The following TMEM132C variants were observed in gnomAD, a reference collection of about 807,000 sequenced individuals.
The protein encoded by TMEM132C is protein phosphatase 1, regulatory subunit 152.
In TMEM132C, 29 loss-of-function variants were observed where a neutral mutation model predicts 61.4. That is an observed-to-expected ratio of 0.47 (90% CI 0.35 to 0.64). The LOEUF is 0.64. Ranked by LOEUF, TMEM132C falls within the 30% of genes least tolerant of loss-of-function variation. The pLI is 0.00. For missense variants in TMEM132C, 1,408 were observed against 1,476.9 expected, an observed-to-expected ratio of 0.95 and a Z score of 0.76; for synonymous variants, 656 against 633.1, an observed-to-expected ratio of 1.04 and a Z score of -0.54.
chr12:128,484,162 G>A (rs1871408765), intron 2 of TMEM132C, among the ~76,000 whole-genome samples: 1 of 152,230 alleles, frequency 6.6e-6, no homozygotes. Context: ...GCACGAGGAT[G>A]AAGCTATCAC....
intron 3 of TMEM132C, among the ~76,000 whole-genome samples, chr12:128,596,046 A>G (rs1026760615): frequency 6.6e-6 from 1 of 152,064 alleles, no homozygotes; most frequent in East Asian, 1.9e-4. Flanking sequence ...TGTTCTGTCC[A>G]TCACACTGGG....
intron 1 of TMEM132C, among the ~76,000 whole-genome samples, chr12:128,346,828 A>G (rs1287427286): frequency 1.3e-5 from 2 of 152,192 alleles, no homozygotes; most frequent in Non-Finnish European, 2.9e-5. Context: ...TGGACTCTGA[A>G]TTCTATTCTA....
intron 2 of TMEM132C, among the ~76,000 whole-genome samples, chr12:128,426,045 A>T (rs1869171387): frequency 6.6e-6 from 1 of 152,238 alleles, no homozygotes; most frequent in African/African-American, 2.4e-5. Flanking sequence ...CCTGCCACTC[A>T]GTCTTTCCCT....
At chr12:128,586,616 A>G (rs1401670933) in intron 3 of TMEM132C, among the ~76,000 whole-genome samples, 1 of 152,226 alleles carries the variant, frequency 6.6e-6, no homozygotes, top group Non-Finnish European at 1.5e-5. Context: ...TTTCCTCTGT[A>G]TCTTCCTTGT....
chr12:128,415,216 C>T lies in TMEM132C; in HGVS notation c.570C>T (p.Asp190=). The T allele has an allele frequency of 6.2e-7, 1 of 1,610,200 alleles. No individual in the cohort carries two copies. Among genetic ancestry groups the T allele is most frequent in the Non-Finnish European group, 8.5e-7 (1 of 1,178,320 alleles). ...GGGGCAGCTGCCGGCTGAAGGGGGA[C>T]CTGGGGCTGTGTGTGGCTGAGCTGG... ...EVRGSCRLKG[D]LGLCVAELEL... Residue 190 remains aspartate, a synonymous_variant, in exon 2 of 9, where the codon GAC becomes GAT. Transcript: ENST00000435159. This position sits in a 1 kb window ranked among gnomAD's most constrained non-coding sequence, Gnocchi z 5.8.
rs769358310 is a variant in TMEM132C, at chr12:128,705,647, C to G, written c.2679C>G (p.Thr893=). Residue 893 remains threonine (T), a synonymous_variant, in exon 9 of 9, where the codon ACC becomes ACG. Coordinates refer to ENST00000435159, the MANE Select transcript of TMEM132C (RefSeq NM_001136103.3). Reference sequence around the variant, plus strand: ...TGCAGAACATCCCCATTGACTTCACCAACTTCCCTGCCCACGTGGACCTCC... The same window carrying G: ...TGCAGAACATCCCCATTGACTTCACGAACTTCCCTGCCCACGTGGACCTCC... ...GQLQNIPIDF[T]NFPAHVDLPK... 2 of 1,551,134 alleles carry G rather than the reference C, an allele frequency of 1.3e-6. No individual in the cohort carries two copies. The highest frequency in any genetic ancestry group is 2.4e-5 in the South Asian group (2 of 84,066).
intron 1 of TMEM132C, among the ~76,000 whole-genome samples, chr12:128,328,156 C>T (rs900312733): frequency 7.2e-5 from 11 of 151,962 alleles, no homozygotes; most frequent in South Asian, 2.1e-4. Flanking sequence ...AGTGAGAAAG[C>T]GGGTGATTGG....
intron 2 of TMEM132C, among the ~76,000 whole-genome samples, chr12:128,489,613 G>A (rs1871640792): frequency 6.9e-6 from 1 of 145,234 alleles, no homozygotes; most frequent in Non-Finnish European, 1.5e-5. Flanking sequence ...GAAAGTGATT[G>A]TTTAAATCTT....
At chr12:128,587,470 ACCT>A (rs1226463544) in intron 3 of TMEM132C, among the ~76,000 whole-genome samples, 5 of 151,734 alleles carry the variant, frequency 3.3e-5, no homozygotes, top group Non-Finnish European at 7.4e-5. Context: ...CTAAAACCTC[ACCT>A]CCTCACACAA....
At chr12:128,563,448 T>A (rs538746106) in intron 3 of TMEM132C, among the ~76,000 whole-genome samples, 6 of 152,316 alleles carry the variant, frequency 3.9e-5, no homozygotes, top group African/African-American at 1.4e-4. Flanking sequence ...CACAGAGGGC[T>A]GCTCGGCAGA....
At chr12:128,269,015 C>G (rs557641389) in intron 1 of TMEM132C, among the ~76,000 whole-genome samples, 6 of 151,010 alleles carry the variant, frequency 4.0e-5, no homozygotes, top group African/African-American at 1.2e-4. Context: ...GGGCACTTTT[C>G]TATTTTATTT....
At chr12:128,653,272 G>C (rs61301584) in intron 4 of TMEM132C, among the ~76,000 whole-genome samples, 2 of 152,154 alleles carry the variant, frequency 1.3e-5, no homozygotes, top group Admixed American at 6.5e-5. Context: ...TGGGAGGAGG[G>C]GGGGATGGGA....
intron 3 of TMEM132C, among the ~76,000 whole-genome samples, chr12:128,569,895 T>TA (rs1396231246): frequency 6.6e-6 from 1 of 152,160 alleles, no homozygotes. Context: ...AAGAAGAAAT[T>TA]AAATAAAATA....
chr12:128,524,135 T>C (rs1873007001), intron 2 of TMEM132C, among the ~76,000 whole-genome samples: 1 of 152,164 alleles, frequency 6.6e-6, no homozygotes, highest in Non-Finnish European at 1.5e-5. Context: ...CAACATAGAC[T>C]GGGTTCCTTG....
chr12:128,355,728 G>A (rs1396278168), intron 1 of TMEM132C, among the ~76,000 whole-genome samples: 1 of 151,534 alleles, frequency 6.6e-6, no homozygotes, highest in Non-Finnish European at 1.5e-5. Context: ...TCCCTTAGAC[G>A]CTCAGGCAAG....
At chr12:128,549,825 A>T (rs1874099331) in intron 3 of TMEM132C, among the ~76,000 whole-genome samples, 2 of 152,136 alleles carry the variant, frequency 1.3e-5, no homozygotes, top group South Asian at 4.1e-4. Flanking sequence ...CATTCGAGGT[A>T]GACACAGTGA....
intron 2 of TMEM132C, among the ~76,000 whole-genome samples, chr12:128,480,458 G>A (rs896800179): frequency 6.6e-6 from 1 of 152,180 alleles, no homozygotes; most frequent in Non-Finnish European, 1.5e-5. Flanking sequence ...AGAGGTCTCC[G>A]CCAGCTACTG....
chr12:128,696,740 C>T (rs1410051697), intron 7 of TMEM132C, among the ~76,000 whole-genome samples: 2 of 152,192 alleles, frequency 1.3e-5, no homozygotes, highest in East Asian at 1.9e-4. Flanking sequence ...CCCGTCATTT[C>T]CCCTGGACAT....
chr12:128,620,927 C>G (rs1269245227), intron 4 of TMEM132C, among the ~76,000 whole-genome samples: 2 of 152,076 alleles, frequency 1.3e-5, no homozygotes, highest in Non-Finnish European at 2.9e-5. Flanking sequence ...ATTCTTGCAT[C>G]TGCAAAATGA....
Sources: allele counts gnomAD v4.1 joint callset (sites outside exome capture counted in the v4.1 genomes callset), GRCh38; gene constraint gnomAD v4.1.1; non-coding constraint Gnocchi (gnomAD v3.1); transcripts MANE v1.5; gene names NCBI Gene and HGNC (gene_info 2026-07-23, HGNC 2026-07-21).